Variants in EPHA7 observed in about 807,000 individuals in gnomAD.
EPHA7 encodes the protein ephrin type-A receptor 7.
Under a neutral mutation model 112.6 loss-of-function variants are expected in EPHA7, and 25 were observed. The observed-to-expected ratio is 0.22, with a 90% CI of 0.16 to 0.31. The LOEUF is 0.31. EPHA7 is among the 10% of genes least tolerant of loss of function. EPHA7 has a pLI of 1.00. For synonymous variants in EPHA7, 437 were observed against 406.5 expected (o/e 1.07, Z -0.90); for missense variants, 962 against 1,212.6 (o/e 0.79, Z 3.07).
chr6:93,268,982 T>C (rs1365883481), intron 7 of EPHA7, among the ~76,000 whole-genome samples: 1 of 151,748 alleles, frequency 6.6e-6, no homozygotes, highest in Non-Finnish European at 1.5e-5. Flanking sequence ...TAAAAACAAG[T>C]TCTAAGACCT....
At chr6:93,344,002 A>G (rs774568589) in intron 5 of EPHA7, among the ~76,000 whole-genome samples, 4 of 151,700 alleles carry the variant, frequency 2.6e-5, no homozygotes, top group Non-Finnish European at 4.4e-5. Flanking sequence ...TACTGCACAT[A>G]GCAAAAATAA....
In EPHA7 at chr6:93,257,543, G is replaced by A. The variant is rs774070812; in HGVS notation, c.2111-20C>T. 2 of 1,529,586 alleles carry A rather than the reference G, an allele frequency of 1.3e-6. No homozygotes were observed. Among genetic ancestry groups the A allele is most frequent in the African/African-American group, 1.4e-5 (1 of 72,542 alleles). 94.8% of individuals were successfully genotyped at this position (1,529,586 alleles called of 1,614,324 possible). On this transcript the variant is annotated intron_variant, in intron 11 of 16. Transcript: ENST00000369303. ...GTTTCCCTAAAATTAAAAAAAAAAA[G>A]TTTCAGGAGTCGTAACCTGAGCTGG...
At chr6:93,403,354 T>C (rs142170718) in intron 3 of EPHA7, among the ~76,000 whole-genome samples, 1 of 98,538 alleles carries the variant, frequency 1.0e-5, no homozygotes, top group Non-Finnish European at 2.0e-5. Flanking sequence ...TCATGGCGGG[T>C]AGGTAAAAAA....
intron 5 of EPHA7, among the ~76,000 whole-genome samples, chr6:93,344,300 T>C (rs1374883231): frequency 2.0e-5 from 3 of 151,614 alleles, no homozygotes; most frequent in African/African-American, 7.3e-5. Flanking sequence ...ATTTCTGAGA[T>C]TATCAGGTTC....
chr6:93,284,383 T>C (rs1422524328), intron 5 of EPHA7, among the ~76,000 whole-genome samples: 1 of 151,310 alleles, frequency 6.6e-6, no homozygotes, highest in Admixed American at 6.6e-5. Flanking sequence ...AAGTGGATTA[T>C]CCTACAAGGG....
chr6:93,269,065 T>A (rs1195874780), intron 7 of EPHA7, among the ~76,000 whole-genome samples: 1 of 151,720 alleles, frequency 6.6e-6, no homozygotes, highest in African/African-American at 2.4e-5. Flanking sequence ...TTAGATACCA[T>A]CTTTCTCTTG....
rs192742450 is a variant in EPHA7 at position 93,414,292 on chromosome 6, T to C, written c.162+411A>G. Among the ~76,000 whole-genome samples the C allele has an allele frequency of 3.3e-3, 502 of 152,022 alleles. 4 individuals carry two copies. Among genetic ancestry groups the C allele is most frequent in the African/African-American group, 0.012 (479 of 41,552 alleles). The stretch of plus-strand genomic sequence containing the variant: ...TACATTTTGAATGATGCTGAAACTT[T>C]TAAAAATAGGAAAACAGATTGATTA... On this transcript the variant is annotated intron_variant, in intron 2 of 16. Transcript: ENST00000369303.
At chr6:93,380,037 T>G (rs951121025) in intron 3 of EPHA7, among the ~76,000 whole-genome samples, 3 of 152,094 alleles carry the variant, frequency 2.0e-5, no homozygotes, top group African/African-American at 7.2e-5. Flanking sequence ...AGCACCCTGA[T>G]TTAGTATGAA....
chr6:93,263,340 T>A (rs1770776547), intron 9 of EPHA7, among the ~76,000 whole-genome samples: 2 of 151,400 alleles, frequency 1.3e-5, no homozygotes, highest in Non-Finnish European at 3.0e-5. Context: ...ATAAGCTAAC[T>A]CAAATCCATA....
At chr6:93,419,161 G>C (rs1010446904) in intron 1 of EPHA7, 84 bp downstream of exon 1, 43 of 1,151,320 alleles carry the variant, frequency 3.7e-5, no homozygotes, top group South Asian at 7.0e-5. Context: ...AGGCGCGGCC[G>C]GCAGCGCCGC....
intron 5 of EPHA7, among the ~76,000 whole-genome samples, chr6:93,324,975 T>C (rs1227313097): frequency 6.6e-6 from 1 of 151,288 alleles, no homozygotes; most frequent in Non-Finnish European, 1.5e-5. Context: ...TTAATAACAA[T>C]CCTGAAAAAA....
intron 3 of EPHA7, among the ~76,000 whole-genome samples, chr6:93,388,090 C>T (rs542077558): frequency 1.3e-5 from 2 of 152,080 alleles, no homozygotes; most frequent in East Asian, 3.9e-4. Context: ...AAAAGATGAC[C>T]CACATGAACA....
intron 5 of EPHA7, among the ~76,000 whole-genome samples, chr6:93,310,885 T>C (rs1773498915): frequency 6.6e-6 from 1 of 152,092 alleles, no homozygotes; most frequent in African/African-American, 2.4e-5. Flanking sequence ...GTGGCTGTCA[T>C]AATTTCTTAA....
chr6:93,380,919 C>G (rs2127970752), intron 3 of EPHA7, among the ~76,000 whole-genome samples: 2 of 152,236 alleles, frequency 1.3e-5, no homozygotes, highest in South Asian at 4.1e-4. Context: ...TCATAAAATT[C>G]AACATGGCAG....
At chr6:93,352,430 T>C (rs181034683) in intron 5 of EPHA7, among the ~76,000 whole-genome samples, 1 of 152,250 alleles carries the variant, frequency 6.6e-6, no homozygotes, top group East Asian at 1.9e-4. Context: ...AGGATTTACT[T>C]TTATACTCTT....
chr6:93,372,579 AAGTT>A (rs1776855865), intron 3 of EPHA7, among the ~76,000 whole-genome samples: 1 of 152,108 alleles, frequency 6.6e-6, no homozygotes, highest in Non-Finnish European at 1.5e-5. Flanking sequence ...ATATTTCACA[AAGTT>A]AGAATTTAGA....
intron 10 of EPHA7, among the ~76,000 whole-genome samples, chr6:93,259,006 CAAGT>C (rs1263639195): frequency 1.3e-5 from 2 of 151,700 alleles, no homozygotes; most frequent in Admixed American, 6.6e-5. Flanking sequence ...GACAGTAAAT[CAAGT>C]AAAAGGAAAT....
chr6:93,346,286 T>G (rs140279111), intron 5 of EPHA7, among the ~76,000 whole-genome samples: 1 of 151,930 alleles, frequency 6.6e-6, no homozygotes, highest in East Asian at 1.9e-4. Flanking sequence ...ATGCAGCTTA[T>G]TGATTTCTTG....
chr6:93,275,467 G>C (rs1161858270), intron 5 of EPHA7, among the ~76,000 whole-genome samples: 1 of 151,872 alleles, frequency 6.6e-6, no homozygotes, highest in East Asian at 1.9e-4. Context: ...TGAAAAAACA[G>C]ATGGAACTTC....
Sources: allele counts gnomAD v4.1 joint callset (sites outside exome capture counted in the v4.1 genomes callset), GRCh38; gene constraint gnomAD v4.1.1; transcripts MANE v1.5; gene names NCBI Gene and HGNC (gene_info 2026-07-23, HGNC 2026-07-21).